RELL1: variants seen among roughly 807,000 people sequenced by gnomAD.
RELL1 encodes the protein RELT like 1.
RELL1 carries 10 observed loss-of-function variants against 23.0 expected under a neutral mutation model. The observed-to-expected ratio is 0.43, with a 90% confidence interval of 0.27 to 0.74. The LOEUF is 0.74. RELL1 is among the 30% of genes least tolerant of loss of function. The pLI is 0.19. For synonymous variants in RELL1, 146 were observed against 146.8 expected, an observed-to-expected ratio of 0.99 and a Z score of 0.04; for missense variants, 315 against 364.4, an observed-to-expected ratio of 0.86 and a Z score of 1.10.
intron 6 of RELL1, among the ~76,000 whole-genome samples, chr4:37,602,145 A>T (rs985693916): frequency 1.4e-5 from 2 of 139,558 alleles, no homozygotes; most frequent in Non-Finnish European, 3.0e-5. Flanking sequence ...TGAGCCTGGG[A>T]GGTCGAGGCT....
At chr4:37,623,025 G>A (rs538938484) in intron 6 of RELL1, 66 of 352,406 alleles carry the variant, frequency 1.9e-4, no homozygotes, top group Middle Eastern at 2.1e-3. Context: ...GGCTGGTCTC[G>A]AACTCCTGAC....
intron 1 of RELL1, among the ~76,000 whole-genome samples, chr4:37,652,741 T>C (rs1720993066): frequency 6.6e-6 from 1 of 152,182 alleles, no homozygotes; most frequent in African/African-American, 2.4e-5. Flanking sequence ...ACACTAAATA[T>C]CTACAGAGCT....
chr4:37,643,451 C>T (rs1560343427), intron 3 of RELL1, among the ~76,000 whole-genome samples: 1 of 152,144 alleles, frequency 6.6e-6, no homozygotes, highest in Non-Finnish European at 1.5e-5. Flanking sequence ...AAGCAGAAAC[C>T]ATTCATATAT....
chr4:37,606,806 GT>G (rs374964586), downstream of RELL1, among the ~76,000 whole-genome samples: 12 of 152,328 alleles, frequency 7.9e-5, no homozygotes, highest in East Asian at 1.9e-3. The surrounding 1 kb of genome is among the most constrained non-coding windows in gnomAD (Gnocchi z 4.1). Flanking sequence ...TAAAATTAAT[GT>G]GTGAAAGTTT....
chr4:37,592,861 C>G (rs1046621816), intron 6 of RELL1, among the ~76,000 whole-genome samples: 4 of 152,192 alleles, frequency 2.6e-5, no homozygotes, highest in Admixed American at 6.5e-5. Context: ...ATTCCTTTAA[C>G]AAACATTTTT....
downstream of RELL1, among the ~76,000 whole-genome samples, chr4:37,608,451 A>G (rs971343774): frequency 6.6e-6 from 1 of 152,200 alleles, no homozygotes; most frequent in African/African-American, 2.4e-5. Context: ...ATACGGAGAC[A>G]GATTCAGTGG....
At chr4:37,664,768 T>G (rs986801338) in intron 1 of RELL1, among the ~76,000 whole-genome samples, 1 of 152,094 alleles carries the variant, frequency 6.6e-6, no homozygotes, top group African/African-American at 2.4e-5. Context: ...ATCATCATTC[T>G]GTAAATAAAT....
At chr4:37,615,279 C>A (rs985736011) in intron 6 of RELL1, among the ~76,000 whole-genome samples, 1 of 152,182 alleles carries the variant, frequency 6.6e-6, no homozygotes. Flanking sequence ...AAATACAAAT[C>A]ACTGCTTAAA....
downstream of RELL1, chr4:37,588,763 C>G (rs1718441080): frequency 7.1e-6 from 7 of 982,038 alleles, no homozygotes; most frequent in Non-Finnish European, 9.7e-6. Context: ...CATTTTGAGT[C>G]TCTAGGGAAA....
intron 1 of RELL1, among the ~76,000 whole-genome samples, chr4:37,681,435 A>G (rs1387096214): frequency 1.3e-5 from 2 of 151,848 alleles, no homozygotes; most frequent in East Asian, 3.9e-4. Flanking sequence ...ACAGAGAGAC[A>G]GGTGTTGGCA....
chr4:37,682,797 C>A (rs1385467074), intron 1 of RELL1, among the ~76,000 whole-genome samples: 1 of 152,190 alleles, frequency 6.6e-6, no homozygotes, highest in Non-Finnish European at 1.5e-5. Flanking sequence ...AAAAAGGAGT[C>A]AGAATGCTGG....
chr4:37,669,062 T>C (rs1235337767), intron 1 of RELL1, among the ~76,000 whole-genome samples: 3 of 84,226 alleles, frequency 3.6e-5, no homozygotes, highest in African/African-American at 6.2e-5. Flanking sequence ...GGTGGGGGGG[T>C]CAGCCCCCCG....
intron 1 of RELL1, among the ~76,000 whole-genome samples, chr4:37,654,476 G>A (rs958875331): frequency 3.3e-5 from 5 of 152,190 alleles, no homozygotes. Context: ...AAATAACAAA[G>A]TAACTGTTCA....
intron 1 of RELL1, among the ~76,000 whole-genome samples, chr4:37,674,909 C>G (rs1029464916): frequency 3.3e-5 from 5 of 152,222 alleles, no homozygotes; most frequent in Admixed American, 3.3e-4. Context: ...GTGCTATGTA[C>G]AGGCTCTTTG....
intron 2 of RELL1, 68 bp from the exon 3 acceptor site, chr4:37,647,507 G>A: frequency 9.3e-7 from 1 of 1,076,398 alleles, no homozygotes; most frequent in African/African-American, 1.5e-5. Flanking sequence ...ATCAATCTTA[G>A]AACCCAAGAC....
At chr4:37,607,416 A>G (rs141318822), downstream of RELL1, among the ~76,000 whole-genome samples, 1 of 152,334 alleles carries the variant, frequency 6.6e-6, no homozygotes, top group East Asian at 1.9e-4. Flanking sequence ...CTTCAAATTT[A>G]AAAAGCAGTA....
In RELL1 at chr4:37,686,353, C is replaced by T. The variant is rs1049525276; in HGVS notation, c.-66G>A. 2.3e-6 allele frequency: 3 copies of T among 1,278,166 alleles called. No individual in the cohort carries two copies. The highest frequency in any genetic ancestry group is 3.2e-5 in the South Asian group (2 of 63,306). The allele number at this position is 1,278,166 out of a possible 1,614,324, so 79.2% of individuals were successfully genotyped here. A position where few individuals can be genotyped will look rare whatever the true frequency, so the allele number is the denominator to read the frequency against. ...CCGCGCTCGGGAAGGCAGAGCCGCT[C>T]CGGAGCCGGCGGGCTGATCGAGTGG... is the stretch of plus-strand genomic sequence containing the variant. On this transcript the variant is annotated 5_prime_UTR_variant, in exon 1 of 7. Coordinates refer to ENST00000454158, the MANE Select transcript of RELL1 (RefSeq NM_001085400.2).
At position 37,645,162 on chromosome 4, in the gene RELL1, C is replaced by T. The variant is rs574355769; in HGVS notation, c.385+2206G>A. Among the ~76,000 whole-genome samples, 72 of 152,314 alleles carry T rather than the reference C, an allele frequency of 4.7e-4. 1 individual carries two copies. The Middle Eastern group carries it at 0.01, about 22-fold the overall frequency. ...AGTTTACTTATTTCGACTGATTCAACTGCCAGTACCCATTTCATGCATCAT... is the reference window on the plus strand; with the variant it reads ...AGTTTACTTATTTCGACTGATTCAATTGCCAGTACCCATTTCATGCATCAT... On this transcript the variant is annotated intron_variant, in intron 3 of 6. Coordinates refer to ENST00000454158, the MANE Select transcript of RELL1 (RefSeq NM_001085400.2).
At chr4:37,667,094 A>T (rs1447191466) in intron 1 of RELL1, among the ~76,000 whole-genome samples, 1 of 152,176 alleles carries the variant, frequency 6.6e-6, no homozygotes, top group Non-Finnish European at 1.5e-5. Flanking sequence ...CGAAGGAAAG[A>T]TTGAACAGAA....
Sources: allele counts gnomAD v4.1 joint callset (sites outside exome capture counted in the v4.1 genomes callset), GRCh38; gene constraint gnomAD v4.1.1; non-coding constraint Gnocchi (gnomAD v3.1); transcripts MANE v1.5; gene names NCBI Gene and HGNC (gene_info 2026-07-23, HGNC 2026-07-21).